GRIK1: variants seen among roughly 807,000 people sequenced by gnomAD.
GRIK1 encodes glutamate receptor ionotropic, kainate 1.
In GRIK1, 69 loss-of-function variants were observed where a neutral mutation model predicts 105.7. That is an observed-to-expected ratio of 0.65 (90% CI 0.54 to 0.80). GRIK1 has a LOEUF of 0.80. Ranked by LOEUF, GRIK1 falls within the 30% of genes least tolerant of loss-of-function variation. The pLI is 0.00. For missense variants in GRIK1, 1,109 were observed against 1,167.3 expected (o/e 0.95, Z 0.73); for synonymous variants, 438 against 431.3 (o/e 1.02, Z -0.19).
At position 29,800,321 on chromosome 21, in the gene GRIK1, C is replaced by T. The variant is rs142540640; in HGVS notation, c.119-106258G>A. Among the ~76,000 whole-genome samples, 207 of 152,250 alleles carry T rather than the reference C, an allele frequency of 1.4e-3. 2 individuals are homozygous for T. Among genetic ancestry groups the T allele is most frequent in the African/African-American group, 4.6e-3 (192 of 41,558 alleles). On this transcript the variant is annotated intron_variant, in intron 1 of 17. Coordinates refer to ENST00000327783, the MANE Select transcript of GRIK1 (RefSeq NM_001330994.2). ...AACAGTAGAAAGTGATTTTACAAAT[C>T]GAAAGGAAAACAACTTTTCTCCACC...
chr21:29,750,785 T>G (rs1230928221), intron 1 of GRIK1, among the ~76,000 whole-genome samples: 2 of 152,202 alleles, frequency 1.3e-5, no homozygotes, highest in Middle Eastern at 3.2e-3. Context: ...AGGTTTGATA[T>G]ATTATTAGAT....
At chr21:29,694,273 A>G (rs1207659033) in intron 1 of GRIK1, among the ~76,000 whole-genome samples, 1 of 151,986 alleles carries the variant, frequency 6.6e-6, no homozygotes, top group Non-Finnish European at 1.5e-5. Flanking sequence ...GCATGTGTGC[A>G]CTACCATGCC....
chr21:29,907,723 C>T (rs918013386), intron 1 of GRIK1, among the ~76,000 whole-genome samples: 5 of 151,970 alleles, frequency 3.3e-5, no homozygotes, highest in South Asian at 2.1e-4. Context: ...TCATTTTTAC[C>T]GGTACTACTG....
intron 1 of GRIK1, among the ~76,000 whole-genome samples, chr21:29,830,993 C>T (rs1601805331): frequency 6.6e-6 from 1 of 152,088 alleles, no homozygotes; most frequent in Non-Finnish European, 1.5e-5. Flanking sequence ...AGCAGAAAAG[C>T]AACATTCCAC....
intron 1 of GRIK1, among the ~76,000 whole-genome samples, chr21:29,930,640 G>A (rs1346781574): frequency 1.3e-5 from 2 of 152,054 alleles, no homozygotes; most frequent in African/African-American, 4.8e-5. Context: ...AATATTCAAC[G>A]GTAAATTATA....
intron 1 of GRIK1, among the ~76,000 whole-genome samples, chr21:29,762,054 T>C (rs1210795568): frequency 1.3e-5 from 2 of 152,226 alleles, no homozygotes; most frequent in Admixed American, 6.5e-5. Flanking sequence ...GCAAGAAACG[T>C]TTCTATCGCA....
At chr21:29,572,746 GT>G (rs2090781579) in intron 14 of GRIK1, among the ~76,000 whole-genome samples, 1 of 151,734 alleles carries the variant, frequency 6.6e-6, no homozygotes, top group Admixed American at 6.6e-5. Flanking sequence ...GATAATATTG[GT>G]ATTTAGCTCA....
At chr21:29,691,866 A>G (rs190210723) in intron 2 of GRIK1, among the ~76,000 whole-genome samples, 363 of 152,324 alleles carry the variant, frequency 2.4e-3, no homozygotes, top group Middle Eastern at 0.024. Context: ...ACTTTCTGCT[A>G]CTCTGCTCTT....
intron 1 of GRIK1, among the ~76,000 whole-genome samples, chr21:29,736,376 G>T (rs1334655264): frequency 6.6e-6 from 1 of 152,066 alleles, no homozygotes; most frequent in African/African-American, 2.4e-5. Flanking sequence ...GACCACAGGT[G>T]CATGCTACCA....
At chr21:29,571,325 A>G (rs770044677) in intron 14 of GRIK1, among the ~76,000 whole-genome samples, 1 of 151,818 alleles carries the variant, frequency 6.6e-6, no homozygotes, top group Non-Finnish European at 1.5e-5. Context: ...CCATTGTACT[A>G]CAGCCTGGGC....
intron 1 of GRIK1, among the ~76,000 whole-genome samples, chr21:29,737,222 G>C (rs1256835987): frequency 1.3e-5 from 2 of 152,148 alleles, no homozygotes; most frequent in Non-Finnish European, 2.9e-5. Flanking sequence ...GCGAGACTCT[G>C]GCCTGGGCAG....
chr21:29,711,954 T>C (rs550142504), intron 1 of GRIK1, among the ~76,000 whole-genome samples: 1 of 152,090 alleles, frequency 6.6e-6, no homozygotes, highest in African/African-American at 2.4e-5. Context: ...AAAAAAATCA[T>C]CTACAATTCT....
At chr21:29,749,208 T>C (rs1254574056) in intron 1 of GRIK1, 1 of 152,194 alleles carries the variant, frequency 6.6e-6, no homozygotes, top group East Asian at 1.9e-4. Flanking sequence ...GACTTTCCTG[T>C]TGGGGAAAAA....
At chr21:29,690,776 A>G (rs2063570118) in intron 2 of GRIK1, among the ~76,000 whole-genome samples, 2 of 152,218 alleles carry the variant, frequency 1.3e-5, no homozygotes, top group African/African-American at 4.8e-5. Flanking sequence ...ATAAGCACTC[A>G]CTGAGAGAAT....
At chr21:29,764,020 C>A (rs1391426980) in intron 1 of GRIK1, 2 of 152,130 alleles carry the variant, frequency 1.3e-5, no homozygotes, top group Admixed American at 1.3e-4. Flanking sequence ...CTTTTAGATT[C>A]TTTTGCTTTC....
chr21:29,589,577 A>G (rs2061301220), intron 10 of GRIK1, among the ~76,000 whole-genome samples: 1 of 142,478 alleles, frequency 7.0e-6, no homozygotes, highest in South Asian at 2.3e-4. Context: ...GCCTGCCACC[A>G]CGCCTGACTA....
chr21:29,542,521 T>C (rs1039865328), intron 16 of GRIK1, among the ~76,000 whole-genome samples: 2 of 152,200 alleles, frequency 1.3e-5, no homozygotes, highest in Non-Finnish European at 2.9e-5. Flanking sequence ...AAATAACAAT[T>C]TTTTTAAGTT....
Position 29,744,103 on chromosome 21 carries a change from C to T in GRIK1, c.119-50040G>A, listed in dbSNP as rs143154956. 9.8e-4 allele frequency among the ~76,000 whole-genome samples: 149 copies of T among 152,242 alleles called. 1 individual carries two copies. In the East Asian group the frequency reaches 0.027, roughly 28 times the overall value. ...AATAGAAGTTAAAAAAATAGAAATT[C>T]GTGTACATAAGTTATAAGTTATAAA... is the stretch of plus-strand genomic sequence containing the variant. On this transcript the variant is annotated intron_variant, in intron 1 of 17. Coordinates refer to ENST00000327783, the MANE Select transcript of GRIK1 (RefSeq NM_001330994.2).
chr21:29,773,717 T>C (rs1335829118), intron 1 of GRIK1, among the ~76,000 whole-genome samples: 2 of 152,146 alleles, frequency 1.3e-5, no homozygotes, highest in African/African-American at 4.8e-5. Context: ...ATAGCATAGC[T>C]TATCTAGAAA....
Sources: gnomAD v4.1 joint callset for allele counts (sites outside exome capture counted in the v4.1 genomes callset) on GRCh38, gnomAD v4.1.1 for gene constraint, MANE v1.5 for transcripts, NCBI Gene and HGNC (gene_info 2026-07-23, HGNC 2026-07-21) for gene names.